The following HIPK2 variants were observed in gnomAD, a reference collection of about 807,000 sequenced individuals.
HIPK2 encodes homeodomain interacting protein kinase 2.
In HIPK2, 27 loss-of-function variants were observed where a neutral mutation model predicts 113.7. The ratio of observed to expected loss-of-function variants is 0.24; its 90% CI spans 0.17 to 0.33. HIPK2 has a LOEUF of 0.33. Among genes scored for constraint, HIPK2 ranks in the 10% least tolerant of loss-of-function variants. The pLI is 1.00. For synonymous variants in HIPK2, 631 were observed against 642.2 expected (o/e 0.98, Z 0.26); for missense variants, 1,257 against 1,588.0 (o/e 0.79, Z 3.54).
chr7:139,732,936 G>C (rs1451889158), intron 1 of HIPK2, among the ~76,000 whole-genome samples: 1 of 151,794 alleles, frequency 6.6e-6, no homozygotes, highest in East Asian at 1.9e-4. Context: ...GGCCTGGTGG[G>C]AGGTGACTGG....
intron 2 of HIPK2, among the ~76,000 whole-genome samples, chr7:139,688,104 C>T (rs1433971346): frequency 6.6e-6 from 1 of 152,166 alleles, no homozygotes; most frequent in Non-Finnish European, 1.5e-5. Flanking sequence ...AACACACACA[C>T]ACACGCAGCC....
Position 139,674,697 on chromosome 7 carries a change from C to T in HIPK2, c.1103+41235G>A, listed in dbSNP as rs972545321. ...TATTAATCAATTAGTCTTCTGTTTT[C>T]GACTTCAATTCCCAGAGCTAATTAA... On this transcript the variant is annotated intron_variant, in intron 2 of 14. Transcript: ENST00000406875. 3.9e-5 allele frequency among the ~76,000 whole-genome samples: 6 copies of T among 152,210 alleles called. No individual in the cohort carries two copies. In the South Asian group the frequency reaches 6.2e-4, roughly 16 times the overall value.
At chr7:139,715,655 C>T (rs377387848) in intron 2 of HIPK2, among the ~76,000 whole-genome samples, 4 of 152,180 alleles carry the variant, frequency 2.6e-5, no homozygotes, top group East Asian at 1.9e-4. Context: ...CCTACCCATC[C>T]GGGAGGACGG....
rs1282485263 is a variant in HIPK2, at chr7:139,665,119, C to G, written c.1104-33394G>C. Among the ~76,000 whole-genome samples the G allele has an allele frequency of 2.0e-5, 3 of 151,876 alleles. No homozygotes were observed. In the South Asian group the frequency reaches 6.2e-4, roughly 31 times the overall value. On this transcript the variant is annotated intron_variant, in intron 2 of 14. Transcript: ENST00000406875. ...GTGGTACAATCATGGCTCCCTGCAG[C>G]CTAGACCTCCTGCGCTTAGGTGGTC...
Position 139,580,411 on chromosome 7 carries a change from G to A in HIPK2, c.2965+3406C>T, listed in dbSNP as rs976584677. ...ACGAGAGCCCCGAGTAAGGGAGGACGTCCTGAAGGGGACCAAGAGATTAAA... is the reference window on the plus strand; with the variant it reads ...ACGAGAGCCCCGAGTAAGGGAGGACATCCTGAAGGGGACCAAGAGATTAAA... On this transcript the variant is annotated intron_variant, in intron 13 of 14. Transcript: ENST00000406875. 1.4e-4 allele frequency among the ~76,000 whole-genome samples: 22 copies of A among 152,320 alleles called. 1 individual carries two copies. The highest frequency in any genetic ancestry group is 8.5e-4 in the Admixed American group (13 of 15,300).
At chr7:139,692,965 T>C (rs536585297) in intron 2 of HIPK2, among the ~76,000 whole-genome samples, 1 of 152,326 alleles carries the variant, frequency 6.6e-6, no homozygotes, top group South Asian at 2.1e-4. Context: ...GGTGACTTGA[T>C]TCTGCTGTCA....
intron 1 of HIPK2, among the ~76,000 whole-genome samples, chr7:139,755,032 G>A (rs747748864): frequency 1.6e-4 from 24 of 152,120 alleles, no homozygotes; most frequent in Non-Finnish European, 2.9e-4. Flanking sequence ...CAGGGAAGAC[G>A]GCCTCACTTC....
In HIPK2 at chr7:139,613,332, G is replaced by T. The variant is rs1408951910; in HGVS notation, c.1991-9C>A. 1 of 1,612,928 alleles carries T rather than the reference G, an allele frequency of 6.2e-7. No individual in the cohort carries two copies. The highest frequency in any genetic ancestry group is 1.7e-5 in the Admixed American group (1 of 59,928). ...GGGAGAGGCCTGCAAGCCTGTTCCA[G>T]ACAGTGTGAGGGAGAGAAGGGTTAG... On this transcript the variant is annotated splice_polypyrimidine_tract_variant and intron_variant, in intron 8 of 14. Coordinates refer to ENST00000406875, the MANE Select transcript of HIPK2 (RefSeq NM_022740.5). This position sits in a 1 kb window ranked among gnomAD's most constrained non-coding sequence, Gnocchi z 4.2.
intron 1 of HIPK2, among the ~76,000 whole-genome samples, chr7:139,725,361 T>C (rs757506813): frequency 9.2e-5 from 14 of 152,064 alleles, no homozygotes; most frequent in Admixed American, 9.2e-4. Context: ...GCAAACAGAG[T>C]GTACTTCAGT....
intron 12 of HIPK2, among the ~76,000 whole-genome samples, chr7:139,587,901 AAT>A (rs1345155250): frequency 6.6e-6 from 1 of 151,996 alleles, no homozygotes; most frequent in East Asian, 1.9e-4. Context: ...AATAAATAAA[AAT>A]AGTTAGGTAC....
At chr7:139,588,212 G>A (rs2116587222) in intron 12 of HIPK2, among the ~76,000 whole-genome samples, 1 of 152,174 alleles carries the variant, frequency 6.6e-6, no homozygotes, top group East Asian at 1.9e-4. Flanking sequence ...CAGCTACTAG[G>A]GAGGCTGAGG....
At chr7:139,771,951 G>A (rs925759563) in intron 1 of HIPK2, among the ~76,000 whole-genome samples, 2 of 152,148 alleles carry the variant, frequency 1.3e-5, no homozygotes, top group African/African-American at 4.8e-5. Context: ...TTGACAATCA[G>A]GTTAATAGAA....
intron 2 of HIPK2, among the ~76,000 whole-genome samples, chr7:139,673,058 C>CT (rs1264448524): frequency 6.6e-6 from 1 of 150,728 alleles, no homozygotes; most frequent in Admixed American, 6.6e-5. Flanking sequence ...ACAGAAAGTC[C>CT]TAGTGGCTAG....
chr7:139,655,148 C>A (rs1585334970), intron 2 of HIPK2, among the ~76,000 whole-genome samples: 1 of 152,146 alleles, frequency 6.6e-6, no homozygotes, highest in African/African-American at 2.4e-5. Flanking sequence ...TATTGATGAG[C>A]CAGTTACTGA....
chr7:139,682,431 G>C (rs573516556), intron 2 of HIPK2, among the ~76,000 whole-genome samples: 19 of 152,280 alleles, frequency 1.2e-4, no homozygotes, highest in Non-Finnish European at 2.6e-4. Context: ...GCTCTGTTGA[G>C]GCACCTAGGA....
At chr7:139,721,925 T>C (rs1795422474) in intron 1 of HIPK2, 1 of 269,158 alleles carries the variant, frequency 3.7e-6, no homozygotes, top group East Asian at 9.9e-5. Context: ...ATAAAACCTG[T>C]CAAAATGGCC....
intron 12 of HIPK2, among the ~76,000 whole-genome samples, chr7:139,587,679 G>A (rs1333559886): frequency 6.6e-6 from 1 of 151,814 alleles, no homozygotes; most frequent in Non-Finnish European, 1.5e-5. Context: ...AGAAGTTTGA[G>A]AGCAGCCTGG....
chr7:139,745,535 C>T (rs1351560335), intron 1 of HIPK2, among the ~76,000 whole-genome samples: 1 of 152,208 alleles, frequency 6.6e-6, no homozygotes, highest in Non-Finnish European at 1.5e-5. Context: ...TTTTTATTGC[C>T]TGCTTAATGT....
At chr7:139,707,357 G>A (rs1794932771) in intron 2 of HIPK2, among the ~76,000 whole-genome samples, 1 of 152,256 alleles carries the variant, frequency 6.6e-6, no homozygotes, top group Non-Finnish European at 1.5e-5. Context: ...TGGGTTTGCT[G>A]GCTTCAATCA....
Sources: allele counts gnomAD v4.1 joint callset (sites outside exome capture counted in the v4.1 genomes callset), GRCh38; gene constraint gnomAD v4.1.1; non-coding constraint Gnocchi (gnomAD v3.1); transcripts MANE v1.5; gene names NCBI Gene and HGNC (gene_info 2026-07-23, HGNC 2026-07-21).